The following TNIP1 variants were observed in gnomAD, a reference collection of about 807,000 sequenced individuals.
TNIP1 encodes TNFAIP3-interacting protein 1.
A neutral mutation model predicts 86.6 loss-of-function variants in TNIP1; 22 were observed. The ratio of observed to expected loss-of-function variants is 0.25; its 90% confidence interval spans 0.18 to 0.36. The LOEUF (loss-of-function observed/expected upper bound fraction) is 0.36, where lower values mean the gene tolerates loss of function less well. Ranked by LOEUF, TNIP1 falls within the 10% of genes least tolerant of loss-of-function variation. The pLI is 1.00. For missense variants in TNIP1, 709 were observed against 820.6 expected, an observed-to-expected ratio of 0.86 and a Z score of 1.66; for synonymous variants, 294 against 313.0, an observed-to-expected ratio of 0.94 and a Z score of 0.64.
chr5:151,083,163 C>A (rs1001159668), upstream of TNIP1, among the ~76,000 whole-genome samples: 1 of 152,210 alleles, frequency 6.6e-6, no homozygotes, highest in Non-Finnish European at 1.5e-5. Context: ...GGATTCCAAT[C>A]CCTGCTCAGC....
chr5:151,066,029 T>C (rs533106475), intron 1 of TNIP1, among the ~76,000 whole-genome samples: 3 of 152,362 alleles, frequency 2.0e-5, no homozygotes, highest in East Asian at 1.9e-4. Flanking sequence ...CAATTACTTA[T>C]TGAGCATCGA....
At chr5:151,031,895 G>A (rs1250630350) in intron 17 of TNIP1, among the ~76,000 whole-genome samples, 4 of 152,114 alleles carry the variant, frequency 2.6e-5, no homozygotes, top group East Asian at 1.9e-4. Context: ...GGTCTAGGTC[G>A]GCTTCCTCTG....
At chr5:151,048,566 C>T (rs60240143) in intron 8 of TNIP1, among the ~76,000 whole-genome samples, 2,621 of 152,226 alleles carry the variant, frequency 0.017, 76 homozygotes, top group African/African-American at 0.06. Context: ...CCCTGGGGCA[C>T]AAGGGCAAGT....
At chr5:151,083,235 A>G (rs1764148934), upstream of TNIP1, among the ~76,000 whole-genome samples, 1 of 152,232 alleles carries the variant, frequency 6.6e-6, no homozygotes, top group Non-Finnish European at 1.5e-5. Context: ...GGGGGATAAT[A>G]TACCTATTCC....
chr5:151,035,478 G>A (rs963613298), intron 14 of TNIP1, 104 bp downstream of exon 14: 15 of 1,521,780 alleles, frequency 9.9e-6, no homozygotes, highest in Admixed American at 1.7e-5. Context: ...CTGGAGAGAA[G>A]CAGTGAGGGT....
chr5:151,052,409 G>A, intron 6 of TNIP1, 150 bp from the exon 7 acceptor site: 1 of 656,806 alleles, frequency 1.5e-6, no homozygotes. Context: ...TCTCTAAGGA[G>A]CTAAGCCACT....
chr5:151,060,407 G>C lies in TNIP1; in HGVS notation c.358-12C>G, dbSNP rs1761406036. ...TCAGAGGAGGTGCCCTGTGCAGAAA[G>C]GAAGTTAGGTGCTGCCCGAGAGAAA... On this transcript the variant is annotated splice_polypyrimidine_tract_variant and intron_variant, in intron 4 of 17. Transcript: ENST00000521591. The C allele has an allele frequency of 6.2e-7, 1 of 1,614,098 alleles. No homozygotes were observed. Among genetic ancestry groups the C allele is most frequent in the East Asian group, 2.2e-5 (1 of 44,890 alleles).
At chr5:151,033,357 A>G (rs1757173632) in intron 16 of TNIP1, 4 of 374,248 alleles carry the variant, frequency 1.1e-5, no homozygotes, top group Middle Eastern at 6.7e-4. Context: ...CCCACCCTGC[A>G]CTCTTACTCA....
At chr5:151,038,466 G>A (rs1327250817) in intron 12 of TNIP1, among the ~76,000 whole-genome samples, 1 of 152,184 alleles carries the variant, frequency 6.6e-6, no homozygotes, top group African/African-American at 2.4e-5. Flanking sequence ...AGAGGCTGGA[G>A]AGGCTAAGCT....
At chr5:151,065,228 C>T (rs1762087394) in intron 1 of TNIP1, 97 bp from the exon 2 acceptor site, 2 of 1,080,672 alleles carry the variant, frequency 1.9e-6, no homozygotes, top group African/African-American at 1.6e-5. Context: ...GAAGGCAGTC[C>T]CCCACTTTAA....
chr5:151,031,881 C>T (rs1490307944), intron 17 of TNIP1, among the ~76,000 whole-genome samples: 9 of 152,222 alleles, frequency 5.9e-5, no homozygotes, highest in Admixed American at 5.9e-4. Context: ...AATGCTGCCC[C>T]CCCGGTCTAG....
intron 17 of TNIP1, chr5:151,031,943 G>C (rs902435303): frequency 4.0e-5 from 8 of 200,216 alleles, no homozygotes; most frequent in Non-Finnish European, 8.0e-5. Flanking sequence ...TCTTCCTTTA[G>C]GGCACTTGAG....
At chr5:151,042,500 G>A (rs768486279) in intron 11 of TNIP1, 40 bp downstream of exon 11, 46 of 1,600,364 alleles carry the variant, frequency 2.9e-5, no homozygotes, top group Non-Finnish European at 3.9e-5. Flanking sequence ...CGCTAATGTG[G>A]AGGGGAACTG....
intron 15 of TNIP1, among the ~76,000 whole-genome samples, chr5:151,034,005 G>A (rs1463130774): frequency 6.6e-6 from 1 of 152,182 alleles, no homozygotes; most frequent in African/African-American, 2.4e-5. Flanking sequence ...ATGGAAGGCT[G>A]CATGGGCATG....
chr5:151,031,660 C>T (rs759287158), intron 17 of TNIP1, among the ~76,000 whole-genome samples: 6 of 152,188 alleles, frequency 3.9e-5, no homozygotes, highest in Admixed American at 6.5e-5. Context: ...GGTCAGGACC[C>T]GGCTACGTCC....
intron 1 of TNIP1, among the ~76,000 whole-genome samples, chr5:151,066,680 T>A (rs933851348): frequency 6.6e-6 from 1 of 152,218 alleles, no homozygotes; most frequent in African/African-American, 2.4e-5. Context: ...AACTCTAACA[T>A]GCATACTAAT....
At chr5:151,039,892 T>C (rs1032078855) in intron 11 of TNIP1, among the ~76,000 whole-genome samples, 2 of 152,146 alleles carry the variant, frequency 1.3e-5, no homozygotes, top group Non-Finnish European at 2.9e-5. Flanking sequence ...CAGGAGGCGG[T>C]TCCATACCCT....
In TNIP1 at chr5:151,063,732, T is replaced by G. The variant is rs1026358825; in HGVS notation, c.152A>C (p.Glu51Ala). 1.3e-5 allele frequency: 21 copies of G among 1,613,724 alleles called. No homozygotes were observed. Among genetic ancestry groups the G allele is most frequent in the Non-Finnish European group, 1.7e-5 (20 of 1,179,820 alleles). ...GAGCCTGGTCGCTTCCATCTGGGAC[T>G]CTTCCAAAAGCTCCCCTAGAGTTAT... ...GIKMLGELLE[E>A]SQMEATRLRQ... The change falls in exon 3 of 18, where the codon GAG (glutamate) becomes GCG (alanine). Residue 51 changes from glutamate (E) to alanine (A), a missense_variant. Physicochemically the swap from Glu to Ala is moderately radical, Grantham distance 107. Transcript: ENST00000521591.
At chr5:151,034,615 G>T (rs980417247) in intron 15 of TNIP1, 30 of 334,676 alleles carry the variant, frequency 9.0e-5, no homozygotes, top group Middle Eastern at 1.1e-3. Flanking sequence ...GGACACGGAA[G>T]GCTGGTACAT....
Sources: allele counts gnomAD v4.1 joint callset (sites outside exome capture counted in the v4.1 genomes callset), GRCh38; gene constraint gnomAD v4.1.1; transcripts MANE v1.5; gene names NCBI Gene and HGNC (gene_info 2026-07-23, HGNC 2026-07-21).